The following NALF1 variants were observed in gnomAD, a reference collection of about 807,000 sequenced individuals.
NALF1 encodes NALCN channel auxiliary factor 1, also known as family with sequence similarity 155 member A.
Under a neutral mutation model 48.4 loss-of-function variants are expected in NALF1, and 3 were observed. That is an observed-to-expected ratio of 0.06 (90% CI 0.03 to 0.16). NALF1 has a LOEUF of 0.16. Ranked by LOEUF, NALF1 falls within the 10% of genes least tolerant of loss-of-function variation. The pLI is 1.00. For synonymous variants in NALF1, 262 were observed against 245.7 expected (o/e 1.07, Z -0.62); for missense variants, 526 against 571.5 (o/e 0.92, Z 0.81).
intron 1 of NALF1, among the ~76,000 whole-genome samples, chr13:107,626,066 A>T (rs539326699): frequency 1.4e-3 from 215 of 152,230 alleles, no homozygotes; most frequent in Non-Finnish European, 2.6e-3. Flanking sequence ...TATGAACAAC[A>T]TAAGATTGGA....
intron 1 of NALF1, among the ~76,000 whole-genome samples, chr13:107,614,776 T>C (rs1879334572): frequency 6.6e-6 from 1 of 151,610 alleles, no homozygotes; most frequent in South Asian, 2.1e-4. Flanking sequence ...TTTTTTTTTT[T>C]TCTTTCTTTT....
intron 1 of NALF1, among the ~76,000 whole-genome samples, chr13:107,574,394 T>C (rs947032999): frequency 9.9e-5 from 15 of 152,176 alleles, no homozygotes; most frequent in Non-Finnish European, 1.5e-5. Context: ...ATTTCTTCTC[T>C]CCAAACCCCA....
chr13:107,683,667 G>A (rs973518382), intron 1 of NALF1, among the ~76,000 whole-genome samples: 1 of 152,140 alleles, frequency 6.6e-6, no homozygotes, highest in Non-Finnish European at 1.5e-5. Context: ...TGAATGCTGG[G>A]GTCCCCAGAG....
At chr13:107,818,797 G>T (rs1170384419) in intron 1 of NALF1, among the ~76,000 whole-genome samples, 2 of 138,080 alleles carry the variant, frequency 1.4e-5, no homozygotes, top group African/African-American at 6.0e-5. Flanking sequence ...ACGTGAACCC[G>T]GGAGGCGGAG....
chr13:107,638,447 T>C (rs1880052035), intron 1 of NALF1, among the ~76,000 whole-genome samples: 1 of 152,008 alleles, frequency 6.6e-6, no homozygotes, highest in African/African-American at 2.4e-5. Flanking sequence ...GCTGACTATA[T>C]GCTGGACACC....
In NALF1 at chr13:107,213,245, A is replaced by G. The variant is rs556558113; in HGVS notation, c.916-2490T>C. Among the ~76,000 whole-genome samples the G allele has an allele frequency of 7.4e-4, 111 of 150,790 alleles. 1 individual carries two copies. Among genetic ancestry groups the G allele is most frequent in the Non-Finnish European group, 1.3e-3 (91 of 67,680 alleles). On this transcript the variant is annotated intron_variant, in intron 1 of 2. Coordinates refer to ENST00000375915, the MANE Select transcript of NALF1 (RefSeq NM_001080396.3). Reference sequence around the variant, plus strand: ...TTTTTTAACTCAAAAAAAAAAAAAAAAAAAAGAAAAGAAAAAGAAACTAGT... The same window carrying G: ...TTTTTTAACTCAAAAAAAAAAAAAAGAAAAAGAAAAGAAAAAGAAACTAGT...
intron 1 of NALF1, among the ~76,000 whole-genome samples, chr13:107,754,292 T>G (rs948762717): frequency 2.0e-4 from 30 of 151,488 alleles, no homozygotes; most frequent in Admixed American, 1.3e-3. Flanking sequence ...AGTGGTCCAT[T>G]AAATTCAAAA....
intron 1 of NALF1, among the ~76,000 whole-genome samples, chr13:107,712,127 A>T (rs1001043800): frequency 6.6e-6 from 1 of 152,218 alleles, no homozygotes; most frequent in Non-Finnish European, 1.5e-5. Flanking sequence ...GTTACATTTT[A>T]ATCCTACAAT....
intron 1 of NALF1, among the ~76,000 whole-genome samples, chr13:107,328,955 T>G (rs959037668): frequency 6.6e-6 from 1 of 152,182 alleles, no homozygotes; most frequent in Non-Finnish European, 1.5e-5. Flanking sequence ...AAATTAGAGG[T>G]ACAGTGTTTC....
At position 107,866,307 on chromosome 13, in the gene NALF1, CGCCGCTGCTGCTGCTGCTGCT is replaced by C. The variant is rs780996347; in HGVS notation, c.269_289del (p.Gln90_Arg96del). ...CGCGGGCCAGGAGGGCTCCTGCTGC[CGCCGCTGCTGCTGCTGCTGCT>C]GCCGCTGCCTCTGCTGCTGCTGCTG... On this transcript the variant is annotated inframe_deletion, in exon 1 of 3. Transcript: ENST00000375915. This position sits in a 1 kb window ranked among gnomAD's most constrained non-coding sequence, Gnocchi z 4.4. The C allele has an allele frequency of 3.1e-6, 5 of 1,607,166 alleles. No individual in the cohort carries two copies. In the South Asian group the frequency reaches 3.3e-5, roughly 11 times the overall value.
At chr13:107,406,610 G>A (rs1418316189) in intron 1 of NALF1, among the ~76,000 whole-genome samples, 2 of 151,772 alleles carry the variant, frequency 1.3e-5, no homozygotes, top group Non-Finnish European at 2.9e-5. Flanking sequence ...ACAGATTTAA[G>A]ACAATCTCTA....
At chr13:107,487,207 T>C (rs893788627) in intron 1 of NALF1, among the ~76,000 whole-genome samples, 7 of 152,112 alleles carry the variant, frequency 4.6e-5, no homozygotes, top group Non-Finnish European at 1.0e-4. Flanking sequence ...AACATGGACA[T>C]TGAATTCTAG....
chr13:107,239,442 A>C (rs2138833578), intron 1 of NALF1, among the ~76,000 whole-genome samples: 1 of 152,266 alleles, frequency 6.6e-6, no homozygotes, highest in Non-Finnish European at 1.5e-5. Context: ...CTTTTCTATA[A>C]GGACACCAGT....
At chr13:107,805,162 ATGTTT>A (rs940837340) in intron 1 of NALF1, among the ~76,000 whole-genome samples, 5 of 152,206 alleles carry the variant, frequency 3.3e-5, no homozygotes, top group African/African-American at 9.6e-5. Context: ...TCCTAGGTTT[ATGTTT>A]TATGAGTCTA....
intron 1 of NALF1, among the ~76,000 whole-genome samples, chr13:107,546,286 T>G (rs1256059195): frequency 1.3e-5 from 2 of 152,138 alleles, no homozygotes; most frequent in African/African-American, 4.8e-5. Flanking sequence ...ACACACCTAC[T>G]GCATTTGTCC....
chr13:107,447,910 G>C (rs1884677267), intron 1 of NALF1, among the ~76,000 whole-genome samples: 1 of 152,146 alleles, frequency 6.6e-6, no homozygotes, highest in Non-Finnish European at 1.5e-5. Context: ...TATCTTTGGA[G>C]GTAGTTGTAG....
At chr13:107,256,392 A>G (rs1880815487) in intron 1 of NALF1, among the ~76,000 whole-genome samples, 1 of 152,202 alleles carries the variant, frequency 6.6e-6, no homozygotes, top group African/African-American at 2.4e-5. Context: ...GCAAAAAAAT[A>G]TAGATCAGGG....
At chr13:107,783,053 G>A (rs1181813031) in intron 1 of NALF1, among the ~76,000 whole-genome samples, 5 of 143,096 alleles carry the variant, frequency 3.5e-5, no homozygotes, top group African/African-American at 1.1e-4. Flanking sequence ...CGCCCCGACC[G>A]GGAGGGAGGT....
At position 107,650,533 on chromosome 13, in the gene NALF1, G is replaced by C. The variant is rs549182625; in HGVS notation, c.915+215149C>G. On this transcript the variant is annotated intron_variant, in intron 1 of 2. Coordinates refer to ENST00000375915, the MANE Select transcript of NALF1 (RefSeq NM_001080396.3). ...CACTGATAGGTGGGAGCTAAGTTAG[G>C]AGGACACAAAGGCATAAGAATGATA... Among the ~76,000 whole-genome samples, 12 of 152,110 alleles carry C rather than the reference G, an allele frequency of 7.9e-5. 1 individual carries two copies. The highest frequency in any genetic ancestry group is 1.2e-4 in the Non-Finnish European group (8 of 67,992).
Sources: gnomAD v4.1 joint callset for allele counts (sites outside exome capture counted in the v4.1 genomes callset) on GRCh38, gnomAD v4.1.1 for gene constraint, Gnocchi (gnomAD v3.1) non-coding constraint, MANE v1.5 for transcripts, NCBI Gene and HGNC (gene_info 2026-07-23, HGNC 2026-07-21) for gene names.